Variants in NEGR1 observed in about 807,000 individuals in gnomAD.
NEGR1 encodes the protein neuronal growth regulator 1, also known as IgLON family member 4.
Under a neutral mutation model 40.9 loss-of-function variants are expected in NEGR1, and 10 were observed. The observed-to-expected ratio is 0.24, with a 90% confidence interval of 0.15 to 0.42. The LOEUF is 0.42. Ranked by LOEUF, NEGR1 falls within the 10% of genes least tolerant of loss-of-function variation. NEGR1 has a pLI of 1.00. For missense variants in NEGR1, 352 were observed against 438.9 expected (o/e 0.80, Z 1.77); for synonymous variants, 185 against 166.8 (o/e 1.11, Z -0.84).
chr1:71,839,800 G>A (rs180924679), intron 2 of NEGR1, among the ~76,000 whole-genome samples: 5 of 152,048 alleles, frequency 3.3e-5, no homozygotes, highest in African/African-American at 1.2e-4. Flanking sequence ...TATGTTTTTG[G>A]AGAAAATCTA....
intron 4 of NEGR1, among the ~76,000 whole-genome samples, chr1:71,688,070 T>C (rs2101618069): frequency 6.6e-6 from 1 of 151,740 alleles, no homozygotes; most frequent in East Asian, 1.9e-4. Flanking sequence ...CTGTGCTAGG[T>C]ACTGGGAATA....
chr1:72,096,231 GA>G (rs1463443384), intron 1 of NEGR1, among the ~76,000 whole-genome samples: 20 of 152,090 alleles, frequency 1.3e-4, no homozygotes, highest in African/African-American at 4.8e-4. Flanking sequence ...TTTTTAAAAG[GA>G]AAATGCTTCA....
intron 1 of NEGR1, among the ~76,000 whole-genome samples, chr1:71,972,816 T>G (rs894393410): frequency 6.6e-6 from 1 of 152,174 alleles, no homozygotes; most frequent in African/African-American, 2.4e-5. Flanking sequence ...CTTCCCCAGT[T>G]GATTCTTCAC....
At chr1:71,593,350 G>A (rs1649571362) in intron 5 of NEGR1, among the ~76,000 whole-genome samples, 1 of 152,128 alleles carries the variant, frequency 6.6e-6, no homozygotes, top group South Asian at 2.1e-4. Flanking sequence ...ACAAACTGAT[G>A]GTTTCTAGGT....
At chr1:71,824,226 G>C (rs947328548) in intron 2 of NEGR1, among the ~76,000 whole-genome samples, 4 of 151,916 alleles carry the variant, frequency 2.6e-5, no homozygotes, top group Non-Finnish European at 5.9e-5. Flanking sequence ...TCAGAATAGG[G>C]CAAAACCTAG....
chr1:72,246,523 C>G (rs1654908193), intron 1 of NEGR1, among the ~76,000 whole-genome samples: 1 of 152,256 alleles, frequency 6.6e-6, no homozygotes, highest in South Asian at 2.1e-4. Flanking sequence ...ATTTTCTTCT[C>G]TGTAAACTTT....
intron 2 of NEGR1, among the ~76,000 whole-genome samples, chr1:71,930,203 A>C (rs932002000): frequency 2.0e-5 from 3 of 152,142 alleles, no homozygotes; most frequent in Non-Finnish European, 4.4e-5. Context: ...AGCTGTTATA[A>C]GTAAAAGCCT....
chr1:72,162,288 C>CAAAAAAAAAA (rs1188135989), intron 1 of NEGR1, among the ~76,000 whole-genome samples: 11,545 of 24,794 alleles, frequency 0.47, 1,502 homozygotes, highest in African/African-American at 0.53. Flanking sequence ...CCTGCCTCTA[C>CAAAAAAAAAA]TAAAAAAAAA....
At chr1:71,629,168 T>C (rs986065891) in intron 4 of NEGR1, among the ~76,000 whole-genome samples, 2 of 152,156 alleles carry the variant, frequency 1.3e-5, no homozygotes, top group Admixed American at 6.6e-5. Context: ...CCAGTGATAA[T>C]GAGCTTTTTT....
chr1:72,264,352 AAT>A (rs1475103337), intron 1 of NEGR1, among the ~76,000 whole-genome samples: 1 of 151,266 alleles, frequency 6.6e-6, no homozygotes, highest in Non-Finnish European at 1.5e-5. Flanking sequence ...ATATATAAAC[AAT>A]ACAACATTTT....
chr1:71,807,655 A>G (rs1281439314), intron 2 of NEGR1, among the ~76,000 whole-genome samples: 1 of 152,206 alleles, frequency 6.6e-6, no homozygotes, highest in Non-Finnish European at 1.5e-5. Flanking sequence ...ACAAAGTCTA[A>G]GGTAACAAAC....
At chr1:71,541,953 T>C (rs908838854) in intron 6 of NEGR1, among the ~76,000 whole-genome samples, 6 of 151,816 alleles carry the variant, frequency 4.0e-5, no homozygotes, top group African/African-American at 1.4e-4. Flanking sequence ...GTGTATTCCA[T>C]TTTCCTGACA....
intron 4 of NEGR1, among the ~76,000 whole-genome samples, chr1:71,651,291 G>A (rs1473259477): frequency 1.3e-5 from 2 of 152,084 alleles, no homozygotes; most frequent in African/African-American, 2.4e-5. Context: ...TTGATGGGGG[G>A]AAATGACTGA....
At chr1:71,786,246 T>A (rs780051441) in intron 2 of NEGR1, among the ~76,000 whole-genome samples, 1 of 152,134 alleles carries the variant, frequency 6.6e-6, no homozygotes, top group East Asian at 1.9e-4. Flanking sequence ...ATTTAATAAT[T>A]ATTATTAATA....
chr1:71,940,757 T>G (rs1645951098), intron 1 of NEGR1, among the ~76,000 whole-genome samples: 1 of 152,118 alleles, frequency 6.6e-6, no homozygotes, highest in South Asian at 2.1e-4. Flanking sequence ...GGTGATTAAA[T>G]TGGAAAGGTG....
intron 2 of NEGR1, among the ~76,000 whole-genome samples, chr1:71,842,058 T>C (rs1406561781): frequency 6.6e-6 from 1 of 152,210 alleles, no homozygotes; most frequent in Non-Finnish European, 1.5e-5. Context: ...TCATTTTGCC[T>C]TGCAACTCAT....
At chr1:72,186,937 C>CTT (rs1349021598) in intron 1 of NEGR1, among the ~76,000 whole-genome samples, 1 of 151,548 alleles carries the variant, frequency 6.6e-6, no homozygotes, top group African/African-American at 2.4e-5. Flanking sequence ...CATATTGTTA[C>CTT]TTTTCTCTCC....
chr1:72,145,510 T>G (rs138966855), intron 1 of NEGR1, among the ~76,000 whole-genome samples: 91 of 152,280 alleles, frequency 6.0e-4, no homozygotes, highest in African/African-American at 2.1e-3. Context: ...AACTTAAAGT[T>G]GACAAGTGAA....
chr1:72,239,452 T>C lies in NEGR1; in HGVS notation c.176+42867A>G, dbSNP rs190302683. 1.8e-4 allele frequency among the ~76,000 whole-genome samples: 27 copies of C among 151,936 alleles called. 1 individual carries two copies. The East Asian group carries it at 5.2e-3, about 29-fold the overall frequency. On this transcript the variant is annotated intron_variant, in intron 1 of 6. Transcript: ENST00000357731. ...TACATAAAAATAATATAAACAGTGTTTTAAGTATTTCAACAGAATGATTTA... is the reference window on the plus strand; with the variant it reads ...TACATAAAAATAATATAAACAGTGTCTTAAGTATTTCAACAGAATGATTTA...
Sources: gnomAD v4.1 joint callset for allele counts (sites outside exome capture counted in the v4.1 genomes callset) on GRCh38, gnomAD v4.1.1 for gene constraint, MANE v1.5 for transcripts, NCBI Gene and HGNC (gene_info 2026-07-23, HGNC 2026-07-21) for gene names.